SHANK2: variants seen among roughly 807,000 people sequenced by gnomAD.
SHANK2 encodes SH3 and multiple ankyrin repeat domains 2, also known as SH3 and multiple ankyrin repeat domains protein 2.
A neutral mutation model predicts 133.7 loss-of-function variants in SHANK2; 43 were observed. The observed-to-expected ratio is 0.32, with a 90% CI of 0.25 to 0.41. The LOEUF is 0.41. Among genes scored for constraint, SHANK2 ranks in the 10% least tolerant of loss-of-function variants. The pLI is 1.00. For synonymous variants in SHANK2, 1,017 were observed against 952.8 expected, an observed-to-expected ratio of 1.07 and a Z score of -1.24; for missense variants, 1,994 against 2,235.8, an observed-to-expected ratio of 0.89 and a Z score of 2.18.
intron 17 of SHANK2, among the ~76,000 whole-genome samples, chr11:70,567,190 C>T (rs1241773108): frequency 1.3e-5 from 2 of 152,152 alleles, no homozygotes; most frequent in East Asian, 1.9e-4. Flanking sequence ...TAAATTGTGT[C>T]CCTCTTAACT....
At position 70,472,752 on chromosome 11, in the gene SHANK2, G is replaced by T; in HGVS notation, c.*117C>A. 2 of 1,038,136 alleles carry T rather than the reference G, an allele frequency of 1.9e-6. No homozygotes were observed. Among genetic ancestry groups the T allele is most frequent in the Non-Finnish European group, 3.0e-6 (2 of 660,782 alleles). The allele number at this position is 1,038,136 out of a possible 1,614,324, so 64.3% of individuals were successfully genotyped here. A position where few individuals can be genotyped will look rare whatever the true frequency, so the allele number is the denominator to read the frequency against. Reference sequence around the variant, plus strand: ...CTCAGTATTTCTTTGGGTACCAGGAGACAAACCCATGGAGTGGGGTTGATG... The same window carrying T: ...CTCAGTATTTCTTTGGGTACCAGGATACAAACCCATGGAGTGGGGTTGATG... On this transcript the variant is annotated 3_prime_UTR_variant, in exon 26 of 26. Coordinates refer to ENST00000601538, the MANE Select transcript of SHANK2 (RefSeq NM_012309.5). This position sits in a 1 kb window ranked among gnomAD's most constrained non-coding sequence, Gnocchi z 4.4.
chr11:70,651,988 A>C (rs2061344538), intron 17 of SHANK2, among the ~76,000 whole-genome samples: 1 of 152,236 alleles, frequency 6.6e-6, no homozygotes, highest in Non-Finnish European at 1.5e-5. Context: ...AAGCTAGAGA[A>C]ATGTGAGCTG....
intron 17 of SHANK2, among the ~76,000 whole-genome samples, chr11:70,639,139 G>A (rs2061145087): frequency 6.6e-6 from 1 of 152,192 alleles, no homozygotes; most frequent in Non-Finnish European, 1.5e-5. Context: ...GCCAGGACTT[G>A]CCACTCCCTG....
intron 14 of SHANK2, among the ~76,000 whole-genome samples, chr11:70,737,762 A>G (rs1946435390): frequency 6.6e-6 from 1 of 152,182 alleles, no homozygotes; most frequent in Non-Finnish European, 1.5e-5. Flanking sequence ...CATCGCAAAC[A>G]TTTTGAGGAC....
intron 1 of SHANK2, among the ~76,000 whole-genome samples, chr11:71,234,484 G>A (rs556438831): frequency 6.6e-6 from 1 of 152,292 alleles, no homozygotes; most frequent in East Asian, 1.9e-4. Flanking sequence ...CCATCATTGT[G>A]AGGAGTTCTG....
chr11:70,587,690 C>G (rs548705348), intron 17 of SHANK2, among the ~76,000 whole-genome samples: 1 of 145,842 alleles, frequency 6.9e-6, no homozygotes, highest in East Asian at 2.1e-4. Context: ...CATTGTTGAG[C>G]ACGTCCAGTT....
chr11:71,110,738 T>A (rs1190560687), intron 5 of SHANK2, among the ~76,000 whole-genome samples: 1 of 152,212 alleles, frequency 6.6e-6, no homozygotes, highest in Non-Finnish European at 1.5e-5. Context: ...GCACAGTGTC[T>A]GGCACGTGAC....
At chr11:70,489,632 G>A (rs2058857566) in intron 23 of SHANK2, 3 of 519,342 alleles carry the variant, frequency 5.8e-6, no homozygotes, top group South Asian at 2.2e-5. Context: ...ACAGGGCAAG[G>A]GCCTTAGCTT....
At chr11:70,609,584 A>T (rs2060626957) in intron 17 of SHANK2, among the ~76,000 whole-genome samples, 1 of 152,210 alleles carries the variant, frequency 6.6e-6, no homozygotes, top group Non-Finnish European at 1.5e-5. Context: ...ATGAACAAAC[A>T]AAACGTGGCA....
intron 14 of SHANK2, among the ~76,000 whole-genome samples, chr11:70,751,495 TCAACTTTAAGAGG>T (rs1235580340): frequency 6.6e-6 from 1 of 152,146 alleles, no homozygotes; most frequent in African/African-American, 2.4e-5. Flanking sequence ...GGCCAGCAGG[TCAACTTTAAGAGG>T]AATGCCAAAG....
At chr11:70,701,769 C>A (rs1338207103) in intron 14 of SHANK2, among the ~76,000 whole-genome samples, 2 of 152,278 alleles carry the variant, frequency 1.3e-5, no homozygotes, top group Admixed American at 6.5e-5. Context: ...CCTGCACAGG[C>A]CTTCCCTGTC....
intron 2 of SHANK2, among the ~76,000 whole-genome samples, chr11:71,220,365 G>A (rs139754952): frequency 6.6e-6 from 1 of 152,254 alleles, no homozygotes; most frequent in East Asian, 1.9e-4. Context: ...AAAACAGTAC[G>A]GCAGTTTCTC....
rs1276203361 is a variant in SHANK2 at position 70,658,157 on chromosome 11, C to T, written c.2061+1671G>A. Among the ~76,000 whole-genome samples the T allele has an allele frequency of 3.3e-5, 5 of 149,974 alleles. No individual in the cohort carries two copies. In the East Asian group the frequency reaches 5.9e-4, roughly 18 times the overall value. ...CCTGTCACACGTGCACACACTCTTA[C>T]ACCACCTATAGACTTCAGCCCTGCT... On this transcript the variant is annotated intron_variant, in intron 17 of 25. Transcript: ENST00000601538.
chr11:70,797,693 T>A (rs1947943020), intron 14 of SHANK2, among the ~76,000 whole-genome samples: 2 of 152,168 alleles, frequency 1.3e-5, no homozygotes, highest in South Asian at 2.1e-4. Context: ...AAGGCGTGCA[T>A]GGTTGGTGGC....
At chr11:70,519,019 C>G (rs2059298825) in intron 17 of SHANK2, among the ~76,000 whole-genome samples, 1 of 152,230 alleles carries the variant, frequency 6.6e-6, no homozygotes, top group African/African-American at 2.4e-5. Context: ...AAGCGATCCT[C>G]CCACCTCAGC....
Position 70,865,430 on chromosome 11 carries a change from T to C in SHANK2, c.1174+31071A>G, listed in dbSNP as rs139164486. Among the ~76,000 whole-genome samples the C allele has an allele frequency of 5.7e-3, 860 of 152,210 alleles. 2 individuals carry two copies. Among genetic ancestry groups the C allele is most frequent in the African/African-American group, 0.019 (798 of 41,534 alleles). ...TATTCTGAAGGGACAAGGAGAAGAA[T>C]ACAATGGGCCCAGGAGGCTGAATTC... On this transcript the variant is annotated intron_variant, in intron 11 of 25. Coordinates refer to ENST00000601538, the MANE Select transcript of SHANK2 (RefSeq NM_012309.5).
intron 11 of SHANK2, among the ~76,000 whole-genome samples, chr11:70,838,764 G>A (rs1948860754): frequency 6.6e-6 from 1 of 152,122 alleles, no homozygotes; most frequent in Admixed American, 6.5e-5. Context: ...AATCCAAAAG[G>A]AATTTATGTG....
intron 8 of SHANK2, among the ~76,000 whole-genome samples, chr11:71,075,593 G>A (rs1361756553): frequency 1.3e-5 from 2 of 152,156 alleles, no homozygotes; most frequent in Non-Finnish European, 1.5e-5. Flanking sequence ...GAGCCCAGAG[G>A]TGCAGGATGT....
intron 10 of SHANK2, among the ~76,000 whole-genome samples, chr11:70,931,087 C>T (rs1297442028): frequency 6.6e-6 from 1 of 152,178 alleles, no homozygotes; most frequent in Non-Finnish European, 1.5e-5. Context: ...GACTTGACCA[C>T]ACCATGCTCA....
Sources: allele counts gnomAD v4.1 joint callset (sites outside exome capture counted in the v4.1 genomes callset), GRCh38; gene constraint gnomAD v4.1.1; non-coding constraint Gnocchi (gnomAD v3.1); transcripts MANE v1.5; gene names NCBI Gene and HGNC (gene_info 2026-07-23, HGNC 2026-07-21).